Variants in UVRAG observed in about 807,000 individuals in gnomAD.
UVRAG encodes UV radiation resistance-associated gene protein.
In UVRAG, 19 loss-of-function variants were observed where a neutral mutation model predicts 78.0. The ratio of observed to expected loss-of-function variants is 0.24; its 90% CI spans 0.17 to 0.36. UVRAG has a LOEUF of 0.36. Among genes scored for constraint, UVRAG ranks in the 10% least tolerant of loss-of-function variants. UVRAG has a pLI of 1.00. For synonymous variants in UVRAG, 323 were observed against 324.6 expected (o/e 1.00, Z 0.05); for missense variants, 740 against 853.8 (o/e 0.87, Z 1.66).
At chr11:75,942,656 A>G (rs114042560) in intron 6 of UVRAG, among the ~76,000 whole-genome samples, 3,672 of 152,262 alleles carry the variant, frequency 0.024, 138 homozygotes, top group African/African-American at 0.083. Context: ...AAATTGTACA[A>G]TTATTAAGTG....
chr11:76,081,352 C>T (rs1565152507), intron 13 of UVRAG, among the ~76,000 whole-genome samples: 1 of 152,022 alleles, frequency 6.6e-6, no homozygotes, highest in Non-Finnish European at 1.5e-5. Flanking sequence ...ATTACAGGCA[C>T]CTGCCACCAC....
chr11:75,868,324 G>A (rs990054896), intron 3 of UVRAG, among the ~76,000 whole-genome samples: 2 of 152,204 alleles, frequency 1.3e-5, no homozygotes, highest in Non-Finnish European at 2.9e-5. Flanking sequence ...TAAGGCTGGA[G>A]TGCAGTGAGC....
At chr11:75,946,941 C>G (rs1374066288) in intron 6 of UVRAG, among the ~76,000 whole-genome samples, 1 of 152,172 alleles carries the variant, frequency 6.6e-6, no homozygotes, top group Non-Finnish European at 1.5e-5. Context: ...ACTCTGAGAT[C>G]AAGGTGCCAG....
chr11:76,058,120 C>G (rs1450096153), intron 12 of UVRAG, among the ~76,000 whole-genome samples: 3 of 152,164 alleles, frequency 2.0e-5, no homozygotes, highest in Admixed American at 2.0e-4. Context: ...AGTAGGTATT[C>G]ATGTTATAAT....
intron 13 of UVRAG, among the ~76,000 whole-genome samples, chr11:76,103,645 A>G (rs1254348650): frequency 6.6e-6 from 1 of 151,782 alleles, no homozygotes; most frequent in Non-Finnish European, 1.5e-5. Context: ...GGTCAGAGGA[A>G]TTCCACAGAA....
chr11:76,028,153 A>T (rs907170679), intron 12 of UVRAG, among the ~76,000 whole-genome samples: 1 of 152,120 alleles, frequency 6.6e-6, no homozygotes, highest in Non-Finnish European at 1.5e-5. Flanking sequence ...GTGGTGACCT[A>T]TAATCAATGA....
intron 1 of UVRAG, among the ~76,000 whole-genome samples, chr11:75,838,533 T>C (rs1945836360): frequency 6.6e-6 from 1 of 151,918 alleles, no homozygotes; most frequent in Non-Finnish European, 1.5e-5. Flanking sequence ...AGACTCTCTC[T>C]CTATATATAG....
chr11:76,085,240 A>T (rs1244419539), intron 13 of UVRAG, among the ~76,000 whole-genome samples: 1 of 152,168 alleles, frequency 6.6e-6, no homozygotes, highest in African/African-American at 2.4e-5. Flanking sequence ...TACTGTGTTC[A>T]GGAACTATAG....
rs767893577 is a variant in UVRAG, at chr11:75,928,961, A to AAAAAAAG, written c.593+16925_593+16926insAAAGAAA. Among the ~76,000 whole-genome samples, 140 of 142,952 alleles carry AAAAAAAG rather than the reference A, an allele frequency of 9.8e-4. 2 individuals carry two copies. The highest frequency in any genetic ancestry group is 3.2e-3 in the African/African-American group (113 of 35,608). 93.8% of individuals were successfully genotyped at this position (142,952 alleles called of 152,430 possible). Reference sequence around the variant, plus strand: ...TCTCAAAAAAAAAAAAAAAAAAAAAAAAAGAATTGAAAGCTGAATTTAGCA... The same window carrying AAAAAAAG: ...TCTCAAAAAAAAAAAAAAAAAAAAAAAAAAAAGAAAGAATTGAAAGCTGAATTTAGCA... On this transcript the variant is annotated intron_variant, in intron 6 of 14. Transcript: ENST00000356136.
intron 1 of UVRAG, among the ~76,000 whole-genome samples, chr11:75,831,023 C>T (rs1217925059): frequency 6.6e-6 from 1 of 152,156 alleles, no homozygotes; most frequent in Non-Finnish European, 1.5e-5. Flanking sequence ...TAATAATAGC[C>T]TACCTTGTAG....
intron 14 of UVRAG, among the ~76,000 whole-genome samples, chr11:76,127,931 TG>T (rs1417143942): frequency 4.7e-4 from 71 of 151,654 alleles, no homozygotes; most frequent in Non-Finnish European, 1.3e-4. Flanking sequence ...CACTCAAGCC[TG>T]GGCAAAAAGA....
In UVRAG at chr11:75,815,309, G is replaced by A; in HGVS notation, c.-99G>A. On this transcript the variant is annotated 5_prime_UTR_variant, in exon 1 of 15. Transcript: ENST00000356136. ...TGAGCAGTAGTGCCTCTCGGGTGGC[G>A]GGTTTCTAGGCTGCAGGGGCTTGGT... The A allele has an allele frequency of 1.6e-6, 1 of 611,256 alleles. No homozygotes were observed. Among genetic ancestry groups the A allele is most frequent in the Non-Finnish European group, 2.4e-6 (1 of 413,276 alleles). 37.9% of individuals were successfully genotyped at this position (611,256 alleles called of 1,614,324 possible). A position where few individuals can be genotyped will look rare whatever the true frequency, so the allele number is the denominator to read the frequency against.
At chr11:76,061,992 G>C (rs957716873) in intron 12 of UVRAG, among the ~76,000 whole-genome samples, 5 of 152,144 alleles carry the variant, frequency 3.3e-5, no homozygotes, top group African/African-American at 1.2e-4. Context: ...ATAAACAGCA[G>C]AAATTTGCCT....
chr11:75,898,751 TA>T (rs1436223167), intron 5 of UVRAG, among the ~76,000 whole-genome samples: 2 of 152,160 alleles, frequency 1.3e-5, no homozygotes, highest in African/African-American at 2.4e-5. Context: ...TATAGCGTCT[TA>T]GGGGGGCAAG....
At chr11:76,129,575 C>T (rs1239005771) in intron 14 of UVRAG, among the ~76,000 whole-genome samples, 1 of 152,212 alleles carries the variant, frequency 6.6e-6, no homozygotes, top group Admixed American at 6.5e-5. Flanking sequence ...TCACGATAAG[C>T]TCTTTGCTTT....
intron 14 of UVRAG, among the ~76,000 whole-genome samples, chr11:76,119,067 C>CT (rs1397296441): frequency 1.3e-5 from 2 of 152,198 alleles, no homozygotes; most frequent in African/African-American, 2.4e-5. Context: ...TCACTCCAGT[C>CT]TGATTTTTAG....
At chr11:75,912,151 T>C (rs1215994224) in intron 6 of UVRAG, 112 bp downstream of exon 6, 3 of 719,192 alleles carry the variant, frequency 4.2e-6, no homozygotes, top group Non-Finnish European at 7.1e-6. Context: ...TATTCAAGCT[T>C]AGCATTTTTT....
chr11:76,080,501 G>GAA (rs1232299150), intron 13 of UVRAG, among the ~76,000 whole-genome samples: 1 of 151,604 alleles, frequency 6.6e-6, no homozygotes, highest in Non-Finnish European at 1.5e-5. Context: ...TTTTATAATA[G>GAA]AATATATATA....
rs535255475 is a variant in UVRAG at position 75,977,175 on chromosome 11, G to A, written c.700-6212G>A. ...TTGTTCAGTTTCCATGTAGTTGAGC[G>A]GTTTTGAGTGAGTTTCTTAATCCTG... is the stretch of plus-strand genomic sequence containing the variant. On this transcript the variant is annotated intron_variant, in intron 7 of 14. Coordinates refer to ENST00000356136, the MANE Select transcript of UVRAG (RefSeq NM_003369.4). Among the ~76,000 whole-genome samples, 9 of 152,172 alleles carry A rather than the reference G, an allele frequency of 5.9e-5. No homozygotes were observed. The South Asian group carries it at 1.9e-3, about 32-fold the overall frequency.
Sources: allele counts gnomAD v4.1 joint callset (sites outside exome capture counted in the v4.1 genomes callset), GRCh38; gene constraint gnomAD v4.1.1; transcripts MANE v1.5; gene names NCBI Gene and HGNC (gene_info 2026-07-23, HGNC 2026-07-21).